The following NELL1 variants were observed in gnomAD, a reference collection of about 807,000 sequenced individuals.
The protein encoded by NELL1 is neural EGFL like 1, also known as protein kinase C-binding protein NELL1.
In NELL1, 76 loss-of-function variants were observed where a neutral mutation model predicts 107.4. The ratio of observed to expected loss-of-function variants is 0.71; its 90% confidence interval spans 0.59 to 0.86. The LOEUF (loss-of-function observed/expected upper bound fraction) is 0.86, where lower values mean the gene tolerates loss of function less well. Among genes scored for constraint, NELL1 ranks in the 40% least tolerant of loss-of-function variants. The probability of loss-of-function intolerance (pLI) is 0.00; values close to 1 mark genes in which losing one functional copy is unlikely to be tolerated. For synonymous variants in NELL1, 353 were observed against 341.2 expected, an observed-to-expected ratio of 1.03 and a Z score of -0.38; for missense variants, 1,024 against 1,005.5, an observed-to-expected ratio of 1.02 and a Z score of -0.25.
chr11:20,854,886 T>G (rs1416615446), intron 4 of NELL1, among the ~76,000 whole-genome samples: 1 of 152,106 alleles, frequency 6.6e-6, no homozygotes, highest in Non-Finnish European at 1.5e-5. Flanking sequence ...TCACAGAGAT[T>G]TAAATAACAG....
chr11:21,458,202 T>C (rs1468194167), intron 15 of NELL1, among the ~76,000 whole-genome samples: 1 of 152,180 alleles, frequency 6.6e-6, no homozygotes, highest in Non-Finnish European at 1.5e-5. Flanking sequence ...GTTGAAAATT[T>C]AGCAGGAAAT....
At chr11:21,120,728 A>G (rs1459809355) in intron 13 of NELL1, among the ~76,000 whole-genome samples, 1 of 152,172 alleles carries the variant, frequency 6.6e-6, no homozygotes, top group Non-Finnish European at 1.5e-5. Flanking sequence ...CTTGTTAAAG[A>G]TAACCAGAAA....
At chr11:20,924,238 G>A (rs953807675) in intron 7 of NELL1, among the ~76,000 whole-genome samples, 5 of 152,254 alleles carry the variant, frequency 3.3e-5, no homozygotes, top group African/African-American at 7.2e-5. Context: ...CTTTATTGCC[G>A]TTTTAGGATT....
At chr11:21,153,405 A>G (rs1387842287) in intron 13 of NELL1, among the ~76,000 whole-genome samples, 1 of 152,102 alleles carries the variant, frequency 6.6e-6, no homozygotes, top group African/African-American at 2.4e-5. Context: ...GGGCGTGTAG[A>G]ACAGAGTTGT....
At chr11:21,463,026 T>C (rs1334037597) in intron 15 of NELL1, among the ~76,000 whole-genome samples, 1 of 152,054 alleles carries the variant, frequency 6.6e-6, no homozygotes, top group African/African-American at 2.4e-5. Context: ...CCTTGAAATA[T>C]TCATTAAGAA....
At position 20,960,673 on chromosome 11, in the gene NELL1, T is replaced by G. The variant is rs969278747; in HGVS notation, c.1300+113T>G. 4.2e-6 allele frequency: 5 copies of G among 1,182,436 alleles called. No homozygotes were observed. The Admixed American group carries it at 8.6e-5, about 20-fold the overall frequency. The allele number at this position is 1,182,436 out of a possible 1,614,324, so 73.2% of individuals were successfully genotyped here. ...ACTTGGCTGTGGTCCTATGCAATCC[T>G]ATAAGAAATCATATCAATTGCTGAG... On this transcript the variant is annotated intron_variant, in intron 12 of 19. Coordinates refer to ENST00000357134, the MANE Select transcript of NELL1 (RefSeq NM_006157.5).
chr11:21,246,338 T>C (rs1038218413), intron 14 of NELL1, among the ~76,000 whole-genome samples: 2 of 152,124 alleles, frequency 1.3e-5, no homozygotes, highest in African/African-American at 4.8e-5. Flanking sequence ...AACACTGAAA[T>C]TGTCATGTGT....
chr11:20,889,378 T>G (rs140403502), intron 5 of NELL1, among the ~76,000 whole-genome samples: 1 of 152,192 alleles, frequency 6.6e-6, no homozygotes, highest in Non-Finnish European at 1.5e-5. Context: ...AATGTAGTAG[T>G]ATATACCAAG....
intron 4 of NELL1, among the ~76,000 whole-genome samples, chr11:20,855,891 A>C (rs6483731): frequency 0.036 from 5,487 of 152,326 alleles, 310 homozygotes; most frequent in African/African-American, 0.12. Context: ...AACAAAAACA[A>C]AACAAAGAAT....
At chr11:20,830,989 C>T (rs1009985162) in intron 3 of NELL1, among the ~76,000 whole-genome samples, 3 of 152,100 alleles carry the variant, frequency 2.0e-5, no homozygotes, top group Non-Finnish European at 4.4e-5. Flanking sequence ...TAGCAATCAC[C>T]TTTTTAGGGA....
At chr11:20,843,815 CT>C (rs1428405361) in intron 3 of NELL1, among the ~76,000 whole-genome samples, 1 of 151,756 alleles carries the variant, frequency 6.6e-6, no homozygotes, top group Non-Finnish European at 1.5e-5. Context: ...ATTTCCAGAT[CT>C]ACTAAGGAAT....
At chr11:21,314,567 G>A (rs562196627) in intron 14 of NELL1, among the ~76,000 whole-genome samples, 3 of 152,226 alleles carry the variant, frequency 2.0e-5, no homozygotes, top group Non-Finnish European at 4.4e-5. Context: ...ACAGGATGCT[G>A]GATATAAAAT....
rs1489158456 is a variant in NELL1 at position 21,492,595 on chromosome 11, G to C, written c.1646-41779G>C. Among the ~76,000 whole-genome samples the C allele has an allele frequency of 2.0e-5, 3 of 152,036 alleles. No homozygotes were observed. The East Asian group carries it at 5.8e-4, about 29-fold the overall frequency. ...AAAAGATGAGTTCATGTCCTTTGTA[G>C]GGACATGGATGAAACTGGAAATCAT... is the stretch of plus-strand genomic sequence containing the variant. On this transcript the variant is annotated intron_variant, in intron 15 of 19. Coordinates refer to ENST00000357134, the MANE Select transcript of NELL1 (RefSeq NM_006157.5).
chr11:21,337,415 A>C (rs1201688839), intron 14 of NELL1, among the ~76,000 whole-genome samples: 1 of 152,186 alleles, frequency 6.6e-6, no homozygotes, highest in African/African-American at 2.4e-5. Context: ...CTCACATAAA[A>C]TCTGATATGC....
chr11:20,688,334 G>C (rs1048987728), intron 2 of NELL1, among the ~76,000 whole-genome samples: 1 of 152,064 alleles, frequency 6.6e-6, no homozygotes, highest in African/African-American at 2.4e-5. Flanking sequence ...TGGTTACCCA[G>C]GTAGTAAGGA....
chr11:20,973,717 G>A (rs577176737), intron 12 of NELL1, among the ~76,000 whole-genome samples: 5 of 152,168 alleles, frequency 3.3e-5, no homozygotes, highest in Middle Eastern at 3.2e-3. Flanking sequence ...AAGAAACCTC[G>A]TGTCCTCCTT....
chr11:20,814,872 G>A (rs1042678977), intron 3 of NELL1, among the ~76,000 whole-genome samples: 18 of 152,108 alleles, frequency 1.2e-4, no homozygotes, highest in African/African-American at 4.8e-5. Flanking sequence ...TTGAGAAATC[G>A]CCAAACTGCT....
In NELL1 at chr11:21,373,263, G is replaced by GA. The variant is rs551665190; in HGVS notation, c.1645+2319dup. Among the ~76,000 whole-genome samples, 798 of 152,126 alleles carry GA rather than the reference G, an allele frequency of 5.2e-3. 4 individuals are homozygous for GA. Among genetic ancestry groups the GA allele is most frequent in the African/African-American group, 0.018 (741 of 41,538 alleles). Reference sequence around the variant, plus strand: ...CTAAATAAATTATAGGCTAAACACTGAAAATCTGTGCCATTATCTTGTCTG... The same window carrying GA: ...CTAAATAAATTATAGGCTAAACACTGAAAAATCTGTGCCATTATCTTGTCTG... On this transcript the variant is annotated intron_variant, in intron 15 of 19. Coordinates refer to ENST00000357134, the MANE Select transcript of NELL1 (RefSeq NM_006157.5).
chr11:20,898,076 A>G (rs1849789101), intron 5 of NELL1, among the ~76,000 whole-genome samples: 1 of 152,212 alleles, frequency 6.6e-6, no homozygotes, highest in Admixed American at 6.5e-5. Flanking sequence ...CTGGGTATAT[A>G]CCCAAAGGAT....
Sources: allele counts gnomAD v4.1 joint callset (sites outside exome capture counted in the v4.1 genomes callset), GRCh38; gene constraint gnomAD v4.1.1; transcripts MANE v1.5; gene names NCBI Gene and HGNC (gene_info 2026-07-23, HGNC 2026-07-21).